The following PCDHA1 variants were observed in gnomAD, a reference collection of about 807,000 sequenced individuals.
PCDHA1 encodes protocadherin alpha-1.
Under a neutral mutation model 61.3 loss-of-function variants are expected in PCDHA1, and 42 were observed. The ratio of observed to expected loss-of-function variants is 0.69; its 90% CI spans 0.54 to 0.89. The LOEUF (loss-of-function observed/expected upper bound fraction) is 0.89. PCDHA1 is among the 40% of genes least tolerant of loss of function. The pLI is 0.00. For synonymous variants in PCDHA1, 610 were observed against 553.8 expected, an observed-to-expected ratio of 1.10 and a Z score of -1.43; for missense variants, 1,256 against 1,235.3, an observed-to-expected ratio of 1.02 and a Z score of -0.25.
intron 1 of PCDHA1, among the ~76,000 whole-genome samples, chr5:140,879,173 G>A (rs1010561937): frequency 6.6e-6 from 1 of 152,278 alleles, no homozygotes; most frequent in Non-Finnish European, 1.5e-5. Context: ...AATAAATTAG[G>A]TATCAAGTAA....
intron 1 of PCDHA1, chr5:140,861,475 G>C: frequency 4.1e-6 from 2 of 492,480 alleles, no homozygotes; most frequent in South Asian, 1.6e-5. Flanking sequence ...CTGCAGAATG[G>C]CATTTTTGTG....
chr5:140,855,933 T>C, intron 1 of PCDHA1: 1 of 1,295,336 alleles, frequency 7.7e-7, no homozygotes, highest in Non-Finnish European at 1.1e-6. Flanking sequence ...AGCGTCATTC[T>C]GAGATCTCAG....
chr5:140,882,234 T>C, intron 1 of PCDHA1: 1 of 1,579,306 alleles, frequency 6.3e-7, no homozygotes, highest in Non-Finnish European at 8.6e-7. Flanking sequence ...GCGTTGTATA[T>C]ATTGCAGATA....
At position 140,949,239 on chromosome 5, in the gene PCDHA1, C is replaced by T. The variant is rs563720988; in HGVS notation, c.2395-29710C>T. 4.0e-5 allele frequency among the ~76,000 whole-genome samples: 6 copies of T among 151,886 alleles called. No individual in the cohort carries two copies. The East Asian group carries it at 1.2e-3, about 29-fold the overall frequency. On this transcript the variant is annotated intron_variant, in intron 1 of 3. Transcript: ENST00000504120. ...TTAGACTTGTTCTGTGGCCCAGCAA[C>T]AGTCTATCTTGATGAACATATCACG...
chr5:140,842,503 C>A, intron 1 of PCDHA1: 1 of 1,613,836 alleles, frequency 6.2e-7, no homozygotes. Context: ...CCCATGTCCC[C>A]TTCAAGCTGG....
rs146361099 is a variant in PCDHA1 at position 140,788,635 on chromosome 5, C to A, written c.2345C>A (p.Thr782Lys). The part of the protein sequence containing the change: ...FSPGLSPSLN[T>K]SERNEQPEAN... ...CCAGGCCTATCTCCAAGTCTTAACA[C>A]GTCAGAAAGAAATGAACAACCAGAA... The change falls in exon 1 of 4, where the codon ACG becomes AAG. Residue 782 changes from threonine to lysine, a missense_variant. Coordinates refer to ENST00000504120, the MANE Select transcript of PCDHA1 (RefSeq NM_018900.4). 4 of 1,603,894 alleles carry A rather than the reference C, an allele frequency of 2.5e-6. No homozygotes were observed. Among genetic ancestry groups the A allele is most frequent in the African/African-American group, 1.3e-5 (1 of 74,752 alleles).
chr5:140,968,942 T>C (rs782129541), intron 1 of PCDHA1: 2 of 1,614,214 alleles, frequency 1.2e-6, no homozygotes, highest in South Asian at 2.2e-5. Context: ...AATCATCATT[T>C]TGAGCATCAT....
At chr5:140,801,706 A>G (rs546101434) in intron 1 of PCDHA1, 1 of 1,614,062 alleles carries the variant, frequency 6.2e-7, no homozygotes. Context: ...TTGTTGACTT[A>G]CAGTCTTGAT....
intron 3 of PCDHA1, among the ~76,000 whole-genome samples, chr5:141,000,351 GTCTC>G (rs1554257240): frequency 3.0e-5 from 2 of 66,862 alleles, no homozygotes. Flanking sequence ...CTCTCTCTCT[GTCTC>G]TCTCTGTCTC....
chr5:140,829,832 G>T, intron 1 of PCDHA1: 1 of 1,613,932 alleles, frequency 6.2e-7, no homozygotes, highest in Non-Finnish European at 8.5e-7. Context: ...GAGCGAGCTG[G>T]TGCCGCGGTC....
In PCDHA1 at chr5:140,786,619, C is replaced by T. The variant is rs150122744; in HGVS notation, c.329C>T (p.Ala110Val). 29 of 1,614,232 alleles carry T rather than the reference C, an allele frequency of 1.8e-5. No homozygotes were observed. The African/African-American group carries it at 3.6e-4, about 20-fold the overall frequency. The change falls in exon 1 of 4, where the codon GCC (alanine) becomes GTC (valine). Residue 110 changes from alanine to valine, a missense_variant. Physicochemically the swap from Ala to Val is moderately conservative, Grantham distance 64. Transcript: ENST00000504120. ...AECSIHLELI[A>V]DRPLQVFHVE... ...TGCAGCATCCACCTGGAGTTGATCGCCGACAGGCCGCTGCAGGTTTTCCAT... is the reference window on the plus strand; with the variant it reads ...TGCAGCATCCACCTGGAGTTGATCGTCGACAGGCCGCTGCAGGTTTTCCAT...
chr5:140,869,320 G>A, intron 1 of PCDHA1: 1 of 1,613,846 alleles, frequency 6.2e-7, no homozygotes, highest in Non-Finnish European at 8.5e-7. Flanking sequence ...AACACATGGG[G>A]ACCTTCTGGA....
At chr5:140,823,863 C>G (rs139591086) in intron 1 of PCDHA1, 4 of 1,613,882 alleles carry the variant, frequency 2.5e-6, no homozygotes, top group Admixed American at 3.3e-5. Context: ...TGGATGTCAA[C>G]GTGTACCTGA....
chr5:140,796,752 A>T (rs1359473362), intron 1 of PCDHA1: 7 of 1,614,000 alleles, frequency 4.3e-6, no homozygotes, highest in Non-Finnish European at 5.9e-6. Flanking sequence ...AGGTGCGCGC[A>T]GTGGACGCTG....
intron 3 of PCDHA1, among the ~76,000 whole-genome samples, chr5:140,999,451 C>T (rs1245812469): frequency 4.6e-5 from 7 of 152,084 alleles, no homozygotes; most frequent in African/African-American, 9.7e-5. Context: ...ATTCGTTCAA[C>T]GAATAAGTGG....
At chr5:140,932,287 T>C (rs1259585245) in intron 1 of PCDHA1, among the ~76,000 whole-genome samples, 2 of 151,896 alleles carry the variant, frequency 1.3e-5, no homozygotes, top group Admixed American at 6.6e-5. Context: ...AAAAACTGCA[T>C]TGACAATTTT....
At chr5:140,967,809 A>G in intron 1 of PCDHA1, 1 of 1,614,190 alleles carries the variant, frequency 6.2e-7, no homozygotes. Flanking sequence ...ATGGCAGGTC[A>G]CTGCAAGGTG....
At chr5:140,789,980 A>T (rs1218596619) in intron 1 of PCDHA1, among the ~76,000 whole-genome samples, 2 of 152,266 alleles carry the variant, frequency 1.3e-5, no homozygotes, top group African/African-American at 4.8e-5. Flanking sequence ...AAAGTAAAAG[A>T]TCAAGAGAAA....
At chr5:140,917,332 G>GC (rs1293292013) in intron 1 of PCDHA1, among the ~76,000 whole-genome samples, 1 of 145,540 alleles carries the variant, frequency 6.9e-6, no homozygotes, top group Non-Finnish European at 1.5e-5. Flanking sequence ...GGCGGGGGAG[G>GC]GGGGGGATGG....
Sources: gnomAD v4.1 joint callset for allele counts (sites outside exome capture counted in the v4.1 genomes callset) on GRCh38, gnomAD v4.1.1 for gene constraint, MANE v1.5 for transcripts, NCBI Gene and HGNC (gene_info 2026-07-23, HGNC 2026-07-21) for gene names.